Variants in ANXA6 observed in about 807,000 individuals in gnomAD.
ANXA6 encodes 67 kDa calelectrin.
Under a neutral mutation model 95.4 loss-of-function variants are expected in ANXA6, and 71 were observed. The observed-to-expected ratio is 0.74, with a 90% confidence interval of 0.61 to 0.91. The LOEUF (loss-of-function observed/expected upper bound fraction) is 0.91, where lower values mean the gene tolerates loss of function less well. Among genes scored for constraint, ANXA6 ranks in the 40% least tolerant of loss-of-function variants. The pLI is 0.00. For missense variants in ANXA6, 830 were observed against 876.4 expected, an observed-to-expected ratio of 0.95 and a Z score of 0.67; for synonymous variants, 289 against 315.9, an observed-to-expected ratio of 0.91 and a Z score of 0.90.
intron 20 of ANXA6, among the ~76,000 whole-genome samples, chr5:151,113,550 C>T (rs1329599270): frequency 6.6e-6 from 1 of 151,886 alleles, no homozygotes; most frequent in Non-Finnish European, 1.5e-5. Context: ...GAAAAGAATC[C>T]AAAGTCCCAA....
intron 1 of ANXA6, among the ~76,000 whole-genome samples, chr5:151,154,649 T>C (rs1261046342): frequency 6.6e-6 from 1 of 152,204 alleles, no homozygotes; most frequent in Non-Finnish European, 1.5e-5. Flanking sequence ...GTAAATGCCT[T>C]CCCTGGCTCT....
chr5:151,108,535 A>G lies in ANXA6; in HGVS notation c.1700T>C (p.Ile567Thr). 1 of 1,613,860 alleles carries G rather than the reference A, an allele frequency of 6.2e-7. No homozygotes were observed. Among genetic ancestry groups the G allele is most frequent in the East Asian group, 2.2e-5 (1 of 44,874 alleles). ...CTCCACGTCATAGTTGGTCATCTTGATGAACTCCTGGAAGACTGGCCACAA... is the reference window on the plus strand; with the variant it reads ...CTCCACGTCATAGTTGGTCATCTTGGTGAACTCCTGGAAGACTGGCCACAA... ...PHLRRVFQEF[I>T]KMTNYDVEHT... The change falls in exon 23 of 26, where the codon ATC becomes ACC. Residue 567 changes from isoleucine (I) to threonine (T), a missense_variant. Physicochemically the swap from Ile to Thr is moderately conservative, Grantham distance 89. Coordinates refer to ENST00000354546, the MANE Select transcript of ANXA6 (RefSeq NM_001155.5).
chr5:151,128,118 G>T, intron 13 of ANXA6, 63 bp downstream of exon 13: 2 of 1,437,760 alleles, frequency 1.4e-6, no homozygotes. Context: ...ATGCGAGCCA[G>T]GAGAGTCCCC....
chr5:151,105,600 C>T (rs1307526468), intron 23 of ANXA6, among the ~76,000 whole-genome samples: 4 of 152,148 alleles, frequency 2.6e-5, no homozygotes, highest in Non-Finnish European at 4.4e-5. Context: ...ACCCAAGGCA[C>T]GGGGCCTCAA....
chr5:151,148,798 AG>A (rs1766033275), intron 1 of ANXA6, among the ~76,000 whole-genome samples: 1 of 152,066 alleles, frequency 6.6e-6, no homozygotes, highest in Non-Finnish European at 1.5e-5. Context: ...AACCACCACG[AG>A]CTCAGTGTGG....
intron 12 of ANXA6, 133 bp downstream of exon 12, chr5:151,129,274 G>T: frequency 8.7e-7 from 1 of 1,151,412 alleles, no homozygotes. Flanking sequence ...TGAGCCACAA[G>T]GCAGGAGCTC....
intron 2 of ANXA6, among the ~76,000 whole-genome samples, chr5:151,146,815 C>T (rs1433349269): frequency 1.3e-5 from 2 of 152,160 alleles, no homozygotes; most frequent in East Asian, 3.8e-4. Flanking sequence ...TTTTTTGAGA[C>T]TTGCTCTGTA....
Position 151,103,680 on chromosome 5 carries a change from C to T in ANXA6, c.1852G>A (p.Asp618Asn). 3.1e-6 allele frequency: 5 copies of T among 1,610,482 alleles called. No individual in the cohort carries two copies. Among genetic ancestry groups the T allele is most frequent in the Non-Finnish European group, 4.2e-6 (5 of 1,178,428 alleles). Residue 618 changes from aspartate to asparagine, a missense_variant, in exon 25 of 26, where the codon GAT becomes AAT. Transcript: ENST00000354546. ...ATGATCCTGGTCAGAGTCTTCTCAT[C>T]TGTGCCAGCACCCTGGTGGAGCCAG... The part of the protein sequence containing the change: ...LYKSMKGAGT[D>N]EKTLTRIMVS...
At chr5:151,141,589 G>A (rs376348635) in intron 2 of ANXA6, 13 of 985,364 alleles carry the variant, frequency 1.3e-5, no homozygotes, top group African/African-American at 7.0e-5. Flanking sequence ...CCCTCTCCCC[G>A]TCTCCGTGCC....
Position 151,100,730 on chromosome 5 carries a change from T to C in ANXA6, c.*718A>G. 1 of 381,976 alleles carries C rather than the reference T, an allele frequency of 2.6e-6. No homozygotes were observed. The highest frequency in any genetic ancestry group is 1.9e-5 in the South Asian group (1 of 51,460). 23.7% of individuals were successfully genotyped at this position (381,976 alleles called of 1,614,324 possible). A position where few individuals can be genotyped will look rare whatever the true frequency, so the allele number is the denominator to read the frequency against. On this transcript the variant is annotated 3_prime_UTR_variant, in exon 26 of 26. Transcript: ENST00000354546. Reference sequence around the variant, plus strand: ...ATGTGTTTATGTGTTTGTGTATCTCTTTTTATTTCTTCCTTAGAAATAAAA... The same window carrying C: ...ATGTGTTTATGTGTTTGTGTATCTCCTTTTATTTCTTCCTTAGAAATAAAA...
At chr5:151,114,969 A>C (rs1182975162) in intron 20 of ANXA6, among the ~76,000 whole-genome samples, 2 of 152,188 alleles carry the variant, frequency 1.3e-5, no homozygotes, top group African/African-American at 4.8e-5. Context: ...AATGCCCTTA[A>C]TTTTTATATA....
intron 22 of ANXA6, 98 bp from the exon 23 acceptor site, chr5:151,108,648 C>A: frequency 9.7e-7 from 1 of 1,035,612 alleles, no homozygotes; most frequent in Non-Finnish European, 1.5e-6. Context: ...CAGGCTGTGC[C>A]TGAGAAAGTG....
chr5:151,137,167 C>T, intron 6 of ANXA6, 64 bp downstream of exon 6: 9 of 1,373,736 alleles, frequency 6.6e-6, no homozygotes, highest in Non-Finnish European at 9.3e-6. Context: ...TTAGTGTCCC[C>T]ACTGTTGCAA....
intron 14 of ANXA6, 90 bp from the exon 15 acceptor site, chr5:151,124,457 C>T: frequency 8.4e-6 from 11 of 1,314,490 alleles, no homozygotes; most frequent in Non-Finnish European, 1.1e-5. Flanking sequence ...GGAAGCTCAC[C>T]CCATGAGCCC....
At chr5:151,152,008 G>T (rs1766120046) in intron 1 of ANXA6, among the ~76,000 whole-genome samples, 1 of 152,156 alleles carries the variant, frequency 6.6e-6, no homozygotes, top group East Asian at 1.9e-4. Flanking sequence ...AATCAATCAC[G>T]TTTTCCTCCT....
intron 9 of ANXA6, 100 bp downstream of exon 9, chr5:151,132,994 G>T: frequency 2.3e-6 from 2 of 885,614 alleles, no homozygotes; most frequent in South Asian, 1.5e-5. Flanking sequence ...AATGAAGTAG[G>T]TATCATGTTC....
At chr5:151,137,666 T>C (rs1582009605) in intron 5 of ANXA6, among the ~76,000 whole-genome samples, 1 of 152,254 alleles carries the variant, frequency 6.6e-6, no homozygotes, top group Admixed American at 6.5e-5. Context: ...TCTGGTTGTT[T>C]AAAAGTATGT....
At chr5:151,136,537 T>C (rs1275445687) in intron 6 of ANXA6, among the ~76,000 whole-genome samples, 1 of 152,184 alleles carries the variant, frequency 6.6e-6, no homozygotes, top group African/African-American at 2.4e-5. Context: ...CTGTTCATTC[T>C]CTCTAGCCCA....
intron 6 of ANXA6, among the ~76,000 whole-genome samples, chr5:151,136,554 C>A (rs1329367835): frequency 6.6e-6 from 1 of 152,224 alleles, no homozygotes; most frequent in Non-Finnish European, 1.5e-5. Flanking sequence ...CCCACCTATA[C>A]CATGACGGCC....
Sources: allele counts gnomAD v4.1 joint callset (sites outside exome capture counted in the v4.1 genomes callset), GRCh38; gene constraint gnomAD v4.1.1; transcripts MANE v1.5; gene names NCBI Gene and HGNC (gene_info 2026-07-23, HGNC 2026-07-21).